PTPRD: variants seen among roughly 807,000 people sequenced by gnomAD.
PTPRD encodes the protein protein tyrosine phosphatase receptor type D, also known as receptor-type tyrosine-protein phosphatase delta.
A neutral mutation model predicts 214.5 loss-of-function variants in PTPRD; 34 were observed. That is an observed-to-expected ratio of 0.16 (90% CI 0.12 to 0.21). The LOEUF (loss-of-function observed/expected upper bound fraction) is 0.21, where lower values mean the gene tolerates loss of function less well. Among genes scored for constraint, PTPRD ranks in the 10% least tolerant of loss-of-function variants. The pLI is 1.00. For missense variants in PTPRD, 2,545 were observed against 2,398.7 expected, an observed-to-expected ratio of 1.06 and a Z score of -1.27; for synonymous variants, 1,128 against 845.7, an observed-to-expected ratio of 1.33 and a Z score of -5.79.
At chr9:8,449,679 C>T in intron 34 of PTPRD, 46 bp downstream of exon 34, 1 of 1,565,282 alleles carries the variant, frequency 6.4e-7, no homozygotes, top group East Asian at 2.2e-5. Context: ...AGCTGTACAA[C>T]TTCTGGGAAA....
chr9:9,441,871 A>T (rs1264530271), intron 8 of PTPRD, among the ~76,000 whole-genome samples: 2 of 152,248 alleles, frequency 1.3e-5, no homozygotes, highest in African/African-American at 4.8e-5. Flanking sequence ...GCTTCTGCTG[A>T]AACATCGCCT....
chr9:8,398,329 G>A (rs776896362), intron 36 of PTPRD, among the ~76,000 whole-genome samples: 5 of 152,022 alleles, frequency 3.3e-5, no homozygotes, highest in Non-Finnish European at 7.4e-5. Flanking sequence ...CAACTTGTCC[G>A]AGCAAGCTCT....
chr9:9,488,646 C>T (rs531609066), intron 8 of PTPRD, among the ~76,000 whole-genome samples: 2 of 152,202 alleles, frequency 1.3e-5, no homozygotes, highest in Non-Finnish European at 2.9e-5. Context: ...AGGAATTTGT[C>T]TCCCCACTTA....
chr9:9,399,117 G>C (rs1478995755), intron 8 of PTPRD, among the ~76,000 whole-genome samples: 2 of 151,872 alleles, frequency 1.3e-5, no homozygotes, highest in Admixed American at 6.6e-5. Flanking sequence ...CCACTATTCT[G>C]CTATTTCATT....
At chr9:9,098,256 T>C (rs950995860) in intron 10 of PTPRD, among the ~76,000 whole-genome samples, 5 of 152,086 alleles carry the variant, frequency 3.3e-5, no homozygotes, top group Non-Finnish European at 7.4e-5. Context: ...TGTCCATAAA[T>C]AGATTTATTA....
intron 12 of PTPRD, among the ~76,000 whole-genome samples, chr9:8,700,286 T>C (rs78136746): frequency 2.0e-5 from 3 of 152,336 alleles, no homozygotes; most frequent in East Asian, 1.9e-4. Context: ...TACTGAACTG[T>C]AGTAAAACCC....
At chr9:10,305,383 C>CAAAAAAAAAAAAAAAAAAAAA (rs532681794) in intron 3 of PTPRD, among the ~76,000 whole-genome samples, 1 of 75,880 alleles carries the variant, frequency 1.3e-5, no homozygotes, top group Non-Finnish European at 2.9e-5. Flanking sequence ...AAAGCAATGG[C>CAAAAAAAAAAAAAAAAAAAAA]AAAAAAAAAA....
intron 5 of PTPRD, among the ~76,000 whole-genome samples, chr9:9,868,199 A>G (rs929783159): frequency 6.6e-6 from 1 of 152,188 alleles, no homozygotes; most frequent in African/African-American, 2.4e-5. Context: ...TAAAATGTTC[A>G]TTAGCTTGAA....
At chr9:10,027,641 T>C (rs1242534899) in intron 4 of PTPRD, among the ~76,000 whole-genome samples, 2 of 152,206 alleles carry the variant, frequency 1.3e-5, no homozygotes, top group African/African-American at 4.8e-5. Flanking sequence ...TTATACTGCC[T>C]ATTGAAAAAT....
At position 10,151,129 on chromosome 9, in the gene PTPRD, C is replaced by A. The variant is rs191924834; in HGVS notation, c.-544-117339G>T. On this transcript the variant is annotated intron_variant, in intron 3 of 45. Coordinates refer to ENST00000381196, the MANE Select transcript of PTPRD (RefSeq NM_002839.4). ...AGGCTGGAGTACAGTGGTGCGATCT[C>A]GGCTCACTGTAACATTTGCCTCTGG... Among the ~76,000 whole-genome samples the A allele has an allele frequency of 1.1e-3, 151 of 142,300 alleles. 1 individual carries two copies. Among genetic ancestry groups the A allele is most frequent in the African/African-American group, 3.9e-3 (150 of 38,222 alleles). 93.4% of individuals were successfully genotyped at this position (142,300 alleles called of 152,430 possible).
At chr9:9,727,669 T>G (rs988435771) in intron 7 of PTPRD, among the ~76,000 whole-genome samples, 1 of 152,148 alleles carries the variant, frequency 6.6e-6, no homozygotes, top group Non-Finnish European at 1.5e-5. Flanking sequence ...ATAATGTAAT[T>G]TTTGCTTAAT....
chr9:8,839,666 T>C (rs1024305713), intron 11 of PTPRD, among the ~76,000 whole-genome samples: 1 of 152,186 alleles, frequency 6.6e-6, no homozygotes, highest in Admixed American at 6.5e-5. Context: ...ATTATGAGCA[T>C]AATCAGCATA....
At chr9:9,673,373 A>G (rs2096866864) in intron 7 of PTPRD, among the ~76,000 whole-genome samples, 1 of 151,916 alleles carries the variant, frequency 6.6e-6, no homozygotes, top group South Asian at 2.1e-4. Context: ...GTTAATGAAT[A>G]ATTATGCTCA....
intron 38 of PTPRD, 115 bp from the exon 39 acceptor site, chr9:8,376,205 T>C: frequency 8.3e-7 from 1 of 1,210,404 alleles, no homozygotes; most frequent in South Asian, 1.5e-5. Context: ...TCTACCACCC[T>C]GTAGCCTTTG....
intron 34 of PTPRD, among the ~76,000 whole-genome samples, chr9:8,441,630 T>C (rs761176778): frequency 1.3e-5 from 2 of 152,076 alleles, no homozygotes; most frequent in Non-Finnish European, 2.9e-5. Flanking sequence ...GACTGCATGC[T>C]TGTATCCACA....
At chr9:8,444,002 T>G (rs760116593) in intron 34 of PTPRD, among the ~76,000 whole-genome samples, 11 of 152,182 alleles carry the variant, frequency 7.2e-5, no homozygotes, top group Non-Finnish European at 1.6e-4. Context: ...TGTCAAACCT[T>G]CAGTAAAGGA....
At chr9:9,154,735 A>T (rs2099879758) in intron 10 of PTPRD, among the ~76,000 whole-genome samples, 1 of 152,184 alleles carries the variant, frequency 6.6e-6, no homozygotes, top group Admixed American at 6.6e-5. Context: ...AGCAACAGGT[A>T]AGCCAGAAAA....
At chr9:8,590,369 C>T (rs759689444) in intron 14 of PTPRD, among the ~76,000 whole-genome samples, 28 of 152,030 alleles carry the variant, frequency 1.8e-4, no homozygotes, top group Non-Finnish European at 3.8e-4. Flanking sequence ...ATTTGGAGAA[C>T]GCTGCATGGT....
rs139820348 is a variant in PTPRD at position 8,486,329 on chromosome 9, C to T, written c.2488G>A (p.Val830Met). 5.0e-6 allele frequency: 8 copies of T among 1,613,948 alleles called. No homozygotes were observed. In the African/African-American group the frequency reaches 6.7e-5, roughly 13 times the overall value. ...GTATTCATCTGAGTGTGGTTAATCA[C>T]AAGCCGAGGTTTCCCTGGAACTGGA... ...TGAVPGKPRL[V>M]INHTQMNTAL... Residue 830 changes from valine to methionine, a missense_variant, in exon 28 of 46, where the codon GTG (valine) becomes ATG (methionine). Val to Met is a conservative substitution (Grantham distance 21, BLOSUM62 1). Transcript: ENST00000381196.
Sources: gnomAD v4.1 joint callset for allele counts (sites outside exome capture counted in the v4.1 genomes callset) on GRCh38, gnomAD v4.1.1 for gene constraint, MANE v1.5 for transcripts, NCBI Gene and HGNC (gene_info 2026-07-23, HGNC 2026-07-21) for gene names.